Variants in SEMA6A observed in about 807,000 individuals in gnomAD.
SEMA6A encodes the protein semaphorin 6A.
In SEMA6A, 25 loss-of-function variants were observed where a neutral mutation model predicts 96.8. The ratio of observed to expected loss-of-function variants is 0.26; its 90% CI spans 0.19 to 0.36. The LOEUF (loss-of-function observed/expected upper bound fraction) is 0.36, where lower values mean the gene tolerates loss of function less well. Ranked by LOEUF, SEMA6A falls within the 10% of genes least tolerant of loss-of-function variation. SEMA6A has a pLI of 1.00. For synonymous variants in SEMA6A, 612 were observed against 518.0 expected (o/e 1.18, Z -2.46); for missense variants, 1,363 against 1,323.1 (o/e 1.03, Z -0.47).
rs112543325 is a variant in SEMA6A at position 116,551,219 on chromosome 5, G to T, written c.-39+22966C>A. 2.3e-3 allele frequency among the ~76,000 whole-genome samples: 348 copies of T among 152,052 alleles called. 1 individual carries two copies. Among genetic ancestry groups the T allele is most frequent in the African/African-American group, 8.1e-3 (337 of 41,470 alleles). On this transcript the variant is annotated intron_variant, in intron 1 of 18. Coordinates refer to ENST00000343348, the MANE Select transcript of SEMA6A (RefSeq NM_020796.5). ...GAAGCGAGTGACATGCAGGGGCTTT[G>T]AGAGTAGGGGAGGTGTCAAAATGGA...
chr5:116,487,637 G>C (rs1371496846), intron 9 of SEMA6A, among the ~76,000 whole-genome samples: 3 of 152,162 alleles, frequency 2.0e-5, no homozygotes, highest in Non-Finnish European at 4.4e-5. Flanking sequence ...GCTGCAGCAG[G>C]TGAAATTACT....
Position 116,478,562 on chromosome 5 carries a change from C to T in SEMA6A, c.1407G>A (p.Met469Ile). ...FLNDSLFLEEMSVYNSEKCSY... is the reference protein window; with the variant it reads ...FLNDSLFLEEISVYNSEKCSY... The stretch of plus-strand genomic sequence containing the variant: ...CTTACTTTTCAGAGTTGTAAACACT[C>T]ATCTCCTCCAGGAAAAGGCTGTCAT... Residue 469 changes from methionine to isoleucine, a missense_variant, in exon 13 of 19, where the codon ATG becomes ATA. Physicochemically the swap from Met to Ile is conservative, Grantham distance 10 (BLOSUM62 1). Transcript: ENST00000343348. 1 of 1,612,056 alleles carries T rather than the reference C, an allele frequency of 6.2e-7. No individual in the cohort carries two copies. The highest frequency in any genetic ancestry group is 8.5e-7 in the Non-Finnish European group (1 of 1,179,140).
intron 11 of SEMA6A, 89 bp downstream of exon 11, chr5:116,482,355 G>T: frequency 7.2e-7 from 1 of 1,392,684 alleles, no homozygotes. Flanking sequence ...GGAAGGCACT[G>T]GTGCGCAGTT....
chr5:116,498,432 A>G (rs967585033), intron 3 of SEMA6A: 3 of 152,164 alleles, frequency 2.0e-5, no homozygotes, highest in Non-Finnish European at 4.4e-5. Context: ...TTTTCAGTTC[A>G]TGGGAAATCT....
intron 1 of SEMA6A, among the ~76,000 whole-genome samples, chr5:116,530,652 ATACAGTTTTATTTAAAACTGTT>A (rs1218228816): frequency 3.9e-5 from 6 of 152,150 alleles, no homozygotes; most frequent in Non-Finnish European, 7.4e-5. Context: ...ATAAAACTGT[ATACAGTTTTATTTAAAACTGTT>A]TGGACTTCTG....
rs1182203000 is a variant in SEMA6A, at chr5:116,473,185, T to C, written c.1709-92A>G. 45 of 1,227,534 alleles carry C rather than the reference T, an allele frequency of 3.7e-5. No individual in the cohort carries two copies. The South Asian group carries it at 3.7e-4, about 10-fold the overall frequency. The allele number at this position is 1,227,534 out of a possible 1,614,324, so 76.0% of individuals were successfully genotyped here. On this transcript the variant is annotated intron_variant, in intron 16 of 18. Coordinates refer to ENST00000343348, the MANE Select transcript of SEMA6A (RefSeq NM_020796.5). ...GTGGGAATGAGCTAACACAGAACTA[T>C]GCCAGCGTATGGTCCCCGATACTAA...
intron 18 of SEMA6A, among the ~76,000 whole-genome samples, chr5:116,461,992 T>C (rs1755435792): frequency 6.6e-6 from 1 of 152,164 alleles, no homozygotes; most frequent in South Asian, 2.1e-4. Flanking sequence ...AAGCCCAAGT[T>C]TAAGAGTCAG....
At chr5:116,519,386 G>C (rs1416383667) in intron 1 of SEMA6A, among the ~76,000 whole-genome samples, 1 of 152,170 alleles carries the variant, frequency 6.6e-6, no homozygotes, top group South Asian at 2.1e-4. Flanking sequence ...CATGAGATGT[G>C]AGAAAATATC....
At chr5:116,469,604 T>C (rs1481744728) in intron 17 of SEMA6A, 1 of 152,218 alleles carries the variant, frequency 6.6e-6, no homozygotes, top group African/African-American at 2.4e-5. Flanking sequence ...CCCCTCCAAG[T>C]AGCAAGATTT....
intron 10 of SEMA6A, among the ~76,000 whole-genome samples, 179 bp from the exon 11 acceptor site, chr5:116,482,754 A>G (rs1396347572): frequency 6.6e-6 from 1 of 152,246 alleles, no homozygotes; most frequent in East Asian, 1.9e-4. Flanking sequence ...TCAAATTTGC[A>G]TCAGTTGCCT....
chr5:116,475,648 A>C, intron 15 of SEMA6A, 45 bp from the exon 16 acceptor site: 1 of 1,400,762 alleles, frequency 7.1e-7, no homozygotes, highest in Non-Finnish European at 9.9e-7. Flanking sequence ...GAATACAATA[A>C]CGTGAGTCTT....
intron 17 of SEMA6A, chr5:116,468,917 TAGAA>T (rs1755933191): frequency 6.6e-6 from 1 of 151,684 alleles, no homozygotes; most frequent in African/African-American, 2.4e-5. Context: ...TATTGGCCTC[TAGAA>T]AGACAGATTA....
chr5:116,527,949 A>G (rs1032892566), intron 1 of SEMA6A, among the ~76,000 whole-genome samples: 2 of 152,234 alleles, frequency 1.3e-5, no homozygotes, highest in African/African-American at 4.8e-5. Context: ...TGCGAATTAG[A>G]GAACCAAACA....
intron 2 of SEMA6A, among the ~76,000 whole-genome samples, chr5:116,504,007 G>A (rs1266101074): frequency 1.3e-5 from 2 of 152,104 alleles, no homozygotes; most frequent in Non-Finnish European, 2.9e-5. Flanking sequence ...TGTCAGTTTT[G>A]CTACCTCATT....
intron 1 of SEMA6A, among the ~76,000 whole-genome samples, chr5:116,535,748 G>A (rs1759679358): frequency 6.6e-6 from 1 of 152,176 alleles, no homozygotes; most frequent in Non-Finnish European, 1.5e-5. Context: ...TGGAGCTTCT[G>A]CTCCAGAGAC....
chr5:116,464,417 A>G (rs1755603204), intron 18 of SEMA6A, among the ~76,000 whole-genome samples: 1 of 152,236 alleles, frequency 6.6e-6, no homozygotes, highest in Admixed American at 6.5e-5. Context: ...GACATTAGAC[A>G]AGGCCAGTAG....
chr5:116,512,654 AGAT>A (rs1758466662), intron 1 of SEMA6A, among the ~76,000 whole-genome samples: 1 of 137,630 alleles, frequency 7.3e-6, no homozygotes, highest in Non-Finnish European at 1.6e-5. Flanking sequence ...CTTTTCTTTC[AGAT>A]GATTCTGTTA....
At chr5:116,488,495 T>A (rs947040090) in intron 8 of SEMA6A, among the ~76,000 whole-genome samples, 2 of 152,218 alleles carry the variant, frequency 1.3e-5, no homozygotes, top group African/African-American at 4.8e-5. Flanking sequence ...GAAGATTTTG[T>A]ATACATTGCC....
At chr5:116,465,698 G>T (rs1048261739) in intron 18 of SEMA6A, among the ~76,000 whole-genome samples, 3 of 152,238 alleles carry the variant, frequency 2.0e-5, no homozygotes, top group South Asian at 2.1e-4. Flanking sequence ...CCATTCCTTG[G>T]GGGGAGTTAA....
Sources: allele counts gnomAD v4.1 joint callset (sites outside exome capture counted in the v4.1 genomes callset), GRCh38; gene constraint gnomAD v4.1.1; transcripts MANE v1.5; gene names NCBI Gene and HGNC (gene_info 2026-07-23, HGNC 2026-07-21).